Variants in CCDC85A observed in about 807,000 individuals in gnomAD.
CCDC85A encodes the protein coiled-coil domain-containing protein 85A.
Under a neutral mutation model 50.2 loss-of-function variants are expected in CCDC85A, and 38 were observed. The observed-to-expected ratio is 0.76, with a 90% confidence interval of 0.58 to 0.99. CCDC85A has a LOEUF of 0.99. Ranked by LOEUF, CCDC85A falls within the 50% of genes least tolerant of loss-of-function variation. CCDC85A has a pLI of 0.00. For synonymous variants in CCDC85A, 366 were observed against 301.4 expected (o/e 1.21, Z -2.22); for missense variants, 820 against 742.0 (o/e 1.11, Z -1.22).
intron 2 of CCDC85A, among the ~76,000 whole-genome samples, chr2:56,248,614 A>C (rs1669615922): frequency 6.6e-6 from 1 of 152,218 alleles, no homozygotes; most frequent in African/African-American, 2.4e-5. Context: ...GAGGCTCAAC[A>C]CAAACGTAGC....
At chr2:56,275,452 TACACCAGCTATTTAACATCATATAGA>T (rs1424673186) in intron 2 of CCDC85A, among the ~76,000 whole-genome samples, 2 of 66,588 alleles carry the variant, frequency 3.0e-5, no homozygotes, top group Non-Finnish European at 8.1e-5. Context: ...GAGAATCAGT[TACACCAGCTATTTAACATCATATAGA>T]CCTTACACCA....
At chr2:56,324,455 A>AG (rs11436769) in intron 2 of CCDC85A, among the ~76,000 whole-genome samples, 55,085 of 150,768 alleles carry the variant, frequency 0.37, 11,597 homozygotes, top group African/African-American at 0.59. Flanking sequence ...AAATACAAGC[A>AG]GAGACACTCC....
At chr2:56,290,846 G>A (rs1232386689) in intron 2 of CCDC85A, among the ~76,000 whole-genome samples, 1 of 152,096 alleles carries the variant, frequency 6.6e-6, no homozygotes, top group Non-Finnish European at 1.5e-5. Flanking sequence ...AGAAAAATTG[G>A]CTCTTTTGCC....
intron 5 of CCDC85A, among the ~76,000 whole-genome samples, chr2:56,376,677 C>G (rs1402695178): frequency 6.6e-6 from 1 of 152,076 alleles, no homozygotes; most frequent in Non-Finnish European, 1.5e-5. Flanking sequence ...AAAGAAGAAA[C>G]TAACACAGGT....
chr2:56,270,366 T>G (rs562897642), intron 2 of CCDC85A, among the ~76,000 whole-genome samples: 3 of 152,340 alleles, frequency 2.0e-5, no homozygotes, highest in South Asian at 4.1e-4. Context: ...GAATCCTGGA[T>G]AGTCAGTCAT....
intron 5 of CCDC85A, among the ~76,000 whole-genome samples, chr2:56,380,521 C>T (rs1322937951): frequency 1.3e-5 from 2 of 151,446 alleles, no homozygotes; most frequent in African/African-American, 4.9e-5. Flanking sequence ...GATCATACCA[C>T]TCCACTCCAG....
chr2:56,317,893 C>G (rs1187672112), intron 2 of CCDC85A, among the ~76,000 whole-genome samples: 2 of 152,228 alleles, frequency 1.3e-5, no homozygotes, highest in East Asian at 3.9e-4. Flanking sequence ...GCTTCACTCT[C>G]TCCTTGACTA....
intron 2 of CCDC85A, among the ~76,000 whole-genome samples, chr2:56,304,164 A>G (rs6754471): frequency 0.13 from 19,986 of 152,180 alleles, 1,460 homozygotes; most frequent in East Asian, 0.32. Context: ...CATGTTAACT[A>G]AAATCCAAAG....
At chr2:56,322,974 A>G (rs2104267751) in intron 2 of CCDC85A, among the ~76,000 whole-genome samples, 1 of 152,296 alleles carries the variant, frequency 6.6e-6, no homozygotes, top group African/African-American at 2.4e-5. Flanking sequence ...ATAAAAAAGG[A>G]TGAGTTCATG....
intron 2 of CCDC85A, among the ~76,000 whole-genome samples, chr2:56,223,479 C>T (rs1462419299): frequency 6.6e-6 from 1 of 152,064 alleles, no homozygotes; most frequent in African/African-American, 2.4e-5. Context: ...AAAATGGAGT[C>T]CTGAAAAACA....
intron 2 of CCDC85A, among the ~76,000 whole-genome samples, chr2:56,234,212 TCTC>T (rs1668899934): frequency 6.6e-6 from 1 of 152,188 alleles, no homozygotes; most frequent in African/African-American, 2.4e-5. Context: ...TTCACTTTCT[TCTC>T]CTCATGATCT....
rs1030922315 is a variant in CCDC85A at position 56,236,058 on chromosome 2, G to A, written c.1240+42618G>A. ...GTTCAGTTTGGTTGGGGTTCAACGA[G>A]TGATGCTAGAAAAAAGGCTGAAAAT... is the stretch of plus-strand genomic sequence containing the variant. On this transcript the variant is annotated intron_variant, in intron 2 of 5. Transcript: ENST00000407595. Among the ~76,000 whole-genome samples, 11 of 152,346 alleles carry A rather than the reference G, an allele frequency of 7.2e-5. No homozygotes were observed. The South Asian group carries it at 2.3e-3, about 32-fold the overall frequency.
At chr2:56,256,160 G>A (rs1334291887) in intron 2 of CCDC85A, among the ~76,000 whole-genome samples, 1 of 152,150 alleles carries the variant, frequency 6.6e-6, no homozygotes, top group Non-Finnish European at 1.5e-5. Flanking sequence ...AGGTCAAAAT[G>A]CAGAGGACCC....
In CCDC85A at chr2:56,384,463, G is replaced by A; in HGVS notation, c.*108G>A. ...CAAACCTGGACTCATGGAATAACAT[G>A]GAGTGATTGTACATTGCACATATCT... On this transcript the variant is annotated 3_prime_UTR_variant, in exon 6 of 6. Coordinates refer to ENST00000407595, the MANE Select transcript of CCDC85A (RefSeq NM_001080433.2). The A allele has an allele frequency of 1.1e-6, 1 of 894,504 alleles. No individual in the cohort carries two copies. Among genetic ancestry groups the A allele is most frequent in the South Asian group, 1.4e-5 (1 of 70,080 alleles). 55.4% of individuals were successfully genotyped at this position (894,504 alleles called of 1,614,324 possible).
At chr2:56,300,626 C>T (rs763974182) in intron 2 of CCDC85A, among the ~76,000 whole-genome samples, 25 of 152,174 alleles carry the variant, frequency 1.6e-4, no homozygotes, top group Non-Finnish European at 2.8e-4. Context: ...GCCTGACTTT[C>T]AAGAAGGGAA....
intron 2 of CCDC85A, among the ~76,000 whole-genome samples, chr2:56,292,022 C>T (rs949025418): frequency 6.6e-6 from 1 of 152,070 alleles, no homozygotes; most frequent in Non-Finnish European, 1.5e-5. Context: ...AAAACAAATG[C>T]CTGAGTTAAA....
chr2:56,213,842 A>G (rs988140471), intron 2 of CCDC85A, among the ~76,000 whole-genome samples: 2 of 151,930 alleles, frequency 1.3e-5, no homozygotes, highest in Non-Finnish European at 2.9e-5. Flanking sequence ...ACAACCAAAA[A>G]TACCCGCCTC....
At chr2:56,197,798 A>G (rs1676586286) in intron 2 of CCDC85A, among the ~76,000 whole-genome samples, 1 of 152,224 alleles carries the variant, frequency 6.6e-6, no homozygotes, top group Admixed American at 6.5e-5. Context: ...ATCTGGGGAT[A>G]TGGGTTGAAA....
At position 56,385,063 on chromosome 2, in the gene CCDC85A, A is replaced by G. The variant is rs1159116646; in HGVS notation, c.*708A>G. The G allele has an allele frequency of 1.3e-5, 2 of 151,866 alleles. No homozygotes were observed. The highest frequency in any genetic ancestry group is 3.9e-4 in the East Asian group (2 of 5,126). The allele number at this position is 151,866 out of a possible 1,614,324, so 9.4% of individuals were successfully genotyped here. A position where few individuals can be genotyped will look rare whatever the true frequency, so the allele number is the denominator to read the frequency against. On this transcript the variant is annotated 3_prime_UTR_variant, in exon 6 of 6. Coordinates refer to ENST00000407595, the MANE Select transcript of CCDC85A (RefSeq NM_001080433.2). ...CAATATAAATATATCTTTTTTTTTC[A>G]TCTTAATGAGTTTCTCATAAAGACA...
Sources: gnomAD v4.1 joint callset for allele counts (sites outside exome capture counted in the v4.1 genomes callset) on GRCh38, gnomAD v4.1.1 for gene constraint, MANE v1.5 for transcripts, NCBI Gene and HGNC (gene_info 2026-07-23, HGNC 2026-07-21) for gene names.